Variants in GNA14 observed in about 807,000 individuals in gnomAD.
GNA14 encodes the protein guanine nucleotide-binding protein subunit alpha-14.
Under a neutral mutation model 42.0 loss-of-function variants are expected in GNA14, and 50 were observed. That is an observed-to-expected ratio of 1.19 (90% confidence interval 0.95 to 1.51). The LOEUF (loss-of-function observed/expected upper bound fraction) is 1.51, where lower values mean the gene tolerates loss of function less well. Ranked by LOEUF, GNA14 falls within the 40% of genes most tolerant of loss-of-function variation. GNA14 has a pLI of 0.00. For synonymous variants in GNA14, 173 were observed against 163.1 expected (o/e 1.06, Z -0.46); for missense variants, 473 against 446.2 (o/e 1.06, Z -0.54).
At chr9:77,618,835 GT>G (rs1291703660) in intron 1 of GNA14, among the ~76,000 whole-genome samples, 3 of 148,522 alleles carry the variant, frequency 2.0e-5, no homozygotes, top group African/African-American at 7.5e-5. Context: ...GGGTTTCACC[GT>G]TTTAGCCGGG....
chr9:77,582,039 G>A (rs1408432890), intron 1 of GNA14, among the ~76,000 whole-genome samples: 3 of 152,158 alleles, frequency 2.0e-5, no homozygotes, highest in East Asian at 3.9e-4. Context: ...GGGCTCCTTG[G>A]AGCCTCCATT....
chr9:77,486,341 C>A (rs563264899), intron 2 of GNA14, among the ~76,000 whole-genome samples: 1 of 152,188 alleles, frequency 6.6e-6, no homozygotes, highest in Non-Finnish European at 1.5e-5. Context: ...AGAGTTAGGG[C>A]CTGGCTCTGG....
At chr9:77,428,885 C>A in intron 5 of GNA14, 22 bp downstream of exon 5, 1 of 1,610,496 alleles carries the variant, frequency 6.2e-7, no homozygotes, top group Non-Finnish European at 8.5e-7. Flanking sequence ...CCACAGCTAC[C>A]CAAACTTCCC....
At chr9:77,580,570 A>G (rs1823204884) in intron 1 of GNA14, 3 of 508,566 alleles carry the variant, frequency 5.9e-6, no homozygotes, top group Non-Finnish European at 1.1e-5. Context: ...AAAGAATATC[A>G]GTGAAGCTTG....
intron 1 of GNA14, among the ~76,000 whole-genome samples, chr9:77,565,244 T>C (rs1176989675): frequency 6.6e-6 from 1 of 152,204 alleles, no homozygotes. Flanking sequence ...CTAAACGTGG[T>C]TACTGAGTAT....
intron 2 of GNA14, among the ~76,000 whole-genome samples, chr9:77,452,589 T>TATGTGTATGGAAGTGTGTCCGTG (rs1835925436): frequency 7.2e-6 from 1 of 138,950 alleles, no homozygotes; most frequent in African/African-American, 2.8e-5. Context: ...TGTGTATGTG[T>TATGTGTATGGAAGTGTGTCCGTG]GTGTGTGGTG....
intron 1 of GNA14, among the ~76,000 whole-genome samples, chr9:77,569,777 T>G (rs1329895978): frequency 6.6e-6 from 1 of 151,908 alleles, no homozygotes; most frequent in African/African-American, 2.4e-5. Context: ...TTTCTTTTTT[T>G]TTTTTTTAAG....
chr9:77,552,532 T>C (rs1025540944), intron 1 of GNA14, among the ~76,000 whole-genome samples: 1 of 152,176 alleles, frequency 6.6e-6, no homozygotes, highest in Non-Finnish European at 1.5e-5. Flanking sequence ...ATTTTTGTTA[T>C]GATATATTAT....
chr9:77,512,377 G>GT (rs888873051), intron 2 of GNA14, among the ~76,000 whole-genome samples: 1 of 152,018 alleles, frequency 6.6e-6, no homozygotes, highest in Admixed American at 6.6e-5. Flanking sequence ...TAGCATTTGG[G>GT]TTTTTTATGT....
chr9:77,631,467 TAAAAAA>T (rs59294268), intron 1 of GNA14, among the ~76,000 whole-genome samples: 4 of 123,406 alleles, frequency 3.2e-5, no homozygotes, highest in Non-Finnish European at 3.4e-5. Flanking sequence ...ACTTTTTATG[TAAAAAA>T]AAAAAAAAAA....
At chr9:77,601,888 A>C (rs183697807) in intron 1 of GNA14, among the ~76,000 whole-genome samples, 52 of 152,332 alleles carry the variant, frequency 3.4e-4, no homozygotes, top group Non-Finnish European at 6.3e-4. Context: ...TTCCAGGGCC[A>C]CCAATGGGTC....
chr9:77,595,486 C>A (rs1003843372), intron 1 of GNA14, among the ~76,000 whole-genome samples: 1 of 152,104 alleles, frequency 6.6e-6, no homozygotes, highest in Non-Finnish European at 1.5e-5. Flanking sequence ...AAGAGGAAAC[C>A]GGAGGTTATT....
chr9:77,506,116 T>G (rs965149395), intron 2 of GNA14, among the ~76,000 whole-genome samples: 1 of 150,858 alleles, frequency 6.6e-6, no homozygotes, highest in African/African-American at 2.4e-5. Flanking sequence ...AAAAAATAAT[T>G]AAATCAACAA....
intron 2 of GNA14, among the ~76,000 whole-genome samples, chr9:77,480,130 G>T (rs1243675905): frequency 6.6e-6 from 1 of 151,982 alleles, no homozygotes; most frequent in South Asian, 2.1e-4. Flanking sequence ...TCTTGTGCCA[G>T]TTTTCAAAGG....
intron 1 of GNA14, among the ~76,000 whole-genome samples, chr9:77,639,725 C>A (rs922741012): frequency 2.0e-5 from 3 of 152,228 alleles, no homozygotes; most frequent in Non-Finnish European, 4.4e-5. Context: ...TCCCTTAAAT[C>A]CTGCCCTTTT....
intron 1 of GNA14, among the ~76,000 whole-genome samples, chr9:77,561,823 A>T (rs559497236): frequency 6.6e-6 from 1 of 152,158 alleles, no homozygotes; most frequent in Admixed American, 6.5e-5. Flanking sequence ...AATTGATGAC[A>T]TTTTCCTTCA....
chr9:77,592,569 C>A (rs966846514), intron 1 of GNA14, among the ~76,000 whole-genome samples: 1 of 152,130 alleles, frequency 6.6e-6, no homozygotes, highest in Non-Finnish European at 1.5e-5. Context: ...CTCCAGTTTA[C>A]CCCAGTCACC....
In GNA14 at chr9:77,576,793, A is replaced by AC. The variant is rs914725698; in HGVS notation, c.125-47541_125-47540insG. 1.7e-4 allele frequency among the ~76,000 whole-genome samples: 26 copies of AC among 152,120 alleles called. 1 individual carries two copies. Among genetic ancestry groups the AC allele is most frequent in the Non-Finnish European group, 2.9e-5 (2 of 67,976 alleles). On this transcript the variant is annotated intron_variant, in intron 1 of 6. Coordinates refer to ENST00000341700, the MANE Select transcript of GNA14 (RefSeq NM_004297.4). ...GTAACAAACGGTTAAAAGGTTAAAA[A>AC]AAAAAAGAATGCTATACACCTTTCC... is the stretch of plus-strand genomic sequence containing the variant.
chr9:77,610,197 C>T (rs1273932243), intron 1 of GNA14, among the ~76,000 whole-genome samples: 1 of 152,138 alleles, frequency 6.6e-6, no homozygotes, highest in Non-Finnish European at 1.5e-5. Flanking sequence ...CCCTAAAAAT[C>T]ATGTATTCTT....
Sources: allele counts gnomAD v4.1 joint callset (sites outside exome capture counted in the v4.1 genomes callset), GRCh38; gene constraint gnomAD v4.1.1; transcripts MANE v1.5; gene names NCBI Gene and HGNC (gene_info 2026-07-23, HGNC 2026-07-21).